Variants in ITPK1 observed in about 807,000 individuals in gnomAD.
ITPK1 encodes inositol-tetrakisphosphate 1-kinase.
In ITPK1, 21 loss-of-function variants were observed where a neutral mutation model predicts 45.3. The observed-to-expected ratio is 0.46, with a 90% CI of 0.33 to 0.67. The LOEUF (loss-of-function observed/expected upper bound fraction) is 0.67, where lower values mean the gene tolerates loss of function less well. ITPK1 is among the 30% of genes least tolerant of loss of function. The probability of loss-of-function intolerance (pLI) is 0.02; values close to 1 mark genes in which losing one functional copy is unlikely to be tolerated. For synonymous variants in ITPK1, 258 were observed against 253.6 expected, an observed-to-expected ratio of 1.02 and a Z score of -0.16; for missense variants, 474 against 573.5, an observed-to-expected ratio of 0.83 and a Z score of 1.77.
At chr14:92,953,718 G>A (rs2139722008) in intron 8 of ITPK1, among the ~76,000 whole-genome samples, 1 of 152,340 alleles carries the variant, frequency 6.6e-6, no homozygotes, top group African/African-American at 2.4e-5. Context: ...GAGCCGCAAG[G>A]AGAACACGTG....
chr14:93,031,237 G>A (rs1434243043), intron 3 of ITPK1, among the ~76,000 whole-genome samples: 2 of 152,088 alleles, frequency 1.3e-5, no homozygotes, highest in African/African-American at 2.4e-5. Context: ...CAAGTGCAGG[G>A]GTCCCGAGCA....
At chr14:92,988,777 C>T (rs1179632854) in intron 5 of ITPK1, among the ~76,000 whole-genome samples, 1 of 152,202 alleles carries the variant, frequency 6.6e-6, no homozygotes, top group Non-Finnish European at 1.5e-5. Context: ...ATCAAAGCCC[C>T]TCAGTATCCT....
Position 93,060,893 on chromosome 14 carries a change from T to C in ITPK1, c.120+15702A>G, listed in dbSNP as rs74800488. 4.2e-3 allele frequency among the ~76,000 whole-genome samples: 635 copies of C among 152,286 alleles called. 2 individuals are homozygous for C. Among genetic ancestry groups the C allele is most frequent in the African/African-American group, 0.014 (578 of 41,526 alleles). Reference sequence around the variant, plus strand: ...TAGATCCCATCTCACAGAGCTATTATGAGAACTAGGAAGATAAAAGTAAAA... The same window carrying C: ...TAGATCCCATCTCACAGAGCTATTACGAGAACTAGGAAGATAAAAGTAAAA... On this transcript the variant is annotated intron_variant, in intron 3 of 10. Coordinates refer to ENST00000267615, the MANE Select transcript of ITPK1 (RefSeq NM_014216.6).
At chr14:93,089,620 T>C (rs1262116895) in intron 2 of ITPK1, among the ~76,000 whole-genome samples, 1 of 152,132 alleles carries the variant, frequency 6.6e-6, no homozygotes. Flanking sequence ...AGAAATCAGC[T>C]GGGTCACAGG....
intron 3 of ITPK1, among the ~76,000 whole-genome samples, chr14:93,042,820 C>T (rs748082850): frequency 5.9e-5 from 9 of 152,112 alleles, no homozygotes; most frequent in Non-Finnish European, 1.0e-4. Flanking sequence ...GAGTTCAAGA[C>T]CAACCTGAGC....
chr14:92,956,522 G>A (rs936170750), intron 8 of ITPK1, among the ~76,000 whole-genome samples: 14 of 151,904 alleles, frequency 9.2e-5, no homozygotes, highest in African/African-American at 3.4e-4. Context: ...ACAGATACAG[G>A]ATAGGAGCCC....
Position 93,033,473 on chromosome 14 carries a change from A to C in ITPK1, c.121-16672T>G, listed in dbSNP as rs76595858. 1.3e-3 allele frequency among the ~76,000 whole-genome samples: 205 copies of C among 152,314 alleles called. 4 individuals carry two copies. In the East Asian group the frequency reaches 0.037, roughly 28 times the overall value. On this transcript the variant is annotated intron_variant, in intron 3 of 10. Coordinates refer to ENST00000267615, the MANE Select transcript of ITPK1 (RefSeq NM_014216.6). Reference sequence around the variant, plus strand: ...CTCCTCTGGGCCAGCCCTGCTGAGCACAGACATCAGAACCAGGGTCTAGAG... The same window carrying C: ...CTCCTCTGGGCCAGCCCTGCTGAGCCCAGACATCAGAACCAGGGTCTAGAG...
At chr14:93,087,573 T>C (rs1891698096) in intron 2 of ITPK1, among the ~76,000 whole-genome samples, 1 of 152,202 alleles carries the variant, frequency 6.6e-6, no homozygotes, top group South Asian at 2.1e-4. Flanking sequence ...GTCATACCCT[T>C]TTACCATGTA....
chr14:93,108,709 A>G (rs887830671), intron 2 of ITPK1, among the ~76,000 whole-genome samples: 1 of 152,254 alleles, frequency 6.6e-6, no homozygotes, highest in African/African-American at 2.4e-5. Context: ...CTTTGTGAGC[A>G]GTTTCAGAAC....
At position 93,016,016 on chromosome 14, in the gene ITPK1, C is replaced by G. The variant is rs1482414228; in HGVS notation, c.246+660G>C. ...ACAATACAACTTTGTTTTTCATGAC[C>G]TCTGAGCCGCTTTCTAGAGGACAGA... On this transcript the variant is annotated intron_variant, in intron 4 of 10. Coordinates refer to ENST00000267615, the MANE Select transcript of ITPK1 (RefSeq NM_014216.6). The surrounding 1 kb of genome is among the most constrained non-coding windows in gnomAD (Gnocchi z 5.0). 6.6e-6 allele frequency among the ~76,000 whole-genome samples: 1 copy of G among 152,188 alleles called. No homozygotes were observed. Among genetic ancestry groups the G allele is most frequent in the Admixed American group, 6.5e-5 (1 of 15,288 alleles).
Position 93,097,584 on chromosome 14 carries a change from T to C in ITPK1, c.95+17485A>G, listed in dbSNP as rs114044116. 7.6e-3 allele frequency among the ~76,000 whole-genome samples: 1,157 copies of C among 152,340 alleles called. 17 individuals carry two copies. Among genetic ancestry groups the C allele is most frequent in the African/African-American group, 0.026 (1,093 of 41,564 alleles). ...ATGCTTATTGCTTAAAGCCAGTAGT[T>C]TTTAGGATGGGTTGTTATGCATCAA... On this transcript the variant is annotated intron_variant, in intron 2 of 10. Coordinates refer to ENST00000267615, the MANE Select transcript of ITPK1 (RefSeq NM_014216.6).
At chr14:93,112,731 C>A (rs1257981711) in intron 2 of ITPK1, among the ~76,000 whole-genome samples, 2 of 151,684 alleles carry the variant, frequency 1.3e-5, no homozygotes, top group Non-Finnish European at 2.9e-5. Flanking sequence ...AGACACGGCA[C>A]CCGGCCCAAA....
intron 4 of ITPK1, among the ~76,000 whole-genome samples, chr14:92,994,313 T>C (rs1886942120): frequency 6.6e-6 from 1 of 152,188 alleles, no homozygotes; most frequent in Non-Finnish European, 1.5e-5. Flanking sequence ...CTGGCTCCTC[T>C]GGGAGTGGCG....
rs1889333325 is a variant in ITPK1 at position 93,036,622 on chromosome 14, G to A, written c.121-19821C>T. On this transcript the variant is annotated intron_variant, in intron 3 of 10. Coordinates refer to ENST00000267615, the MANE Select transcript of ITPK1 (RefSeq NM_014216.6). The surrounding 1 kb of genome is among the most constrained non-coding windows in gnomAD (Gnocchi z 4.1). ...GCCCACACCCCTCATGACTCACCAGGCTCAGCACCCCAGGGGCCGGGTGAG... is the reference window on the plus strand; with the variant it reads ...GCCCACACCCCTCATGACTCACCAGACTCAGCACCCCAGGGGCCGGGTGAG... 6.6e-6 allele frequency among the ~76,000 whole-genome samples: 1 copy of A among 151,788 alleles called. No homozygotes were observed. Among genetic ancestry groups the A allele is most frequent in the African/African-American group, 2.4e-5 (1 of 41,264 alleles).
intron 5 of ITPK1, among the ~76,000 whole-genome samples, chr14:92,964,822 C>T (rs904006574): frequency 1.3e-5 from 2 of 152,364 alleles, no homozygotes; most frequent in East Asian, 3.9e-4. Context: ...TGTCCCTCCC[C>T]ACCCTGGCCC....
chr14:93,046,544 A>G (rs1245692879), intron 3 of ITPK1, among the ~76,000 whole-genome samples: 1 of 145,632 alleles, frequency 6.9e-6, no homozygotes, highest in Non-Finnish European at 1.5e-5. Context: ...CTGGGCTTCA[A>G]GACCTTCAGA....
At chr14:93,007,002 G>A (rs982215663) in intron 4 of ITPK1, among the ~76,000 whole-genome samples, 2 of 152,184 alleles carry the variant, frequency 1.3e-5, no homozygotes, top group Non-Finnish European at 2.9e-5. Context: ...CACTAGTCAG[G>A]TCCTCTAGGC....
At chr14:92,944,234 G>T (rs1158780660) in intron 10 of ITPK1, among the ~76,000 whole-genome samples, 2 of 152,202 alleles carry the variant, frequency 1.3e-5, no homozygotes, top group East Asian at 3.9e-4. Flanking sequence ...AGGAGAACAG[G>T]CCTGCTGCTC....
At chr14:93,093,912 T>C (rs1009747397) in intron 2 of ITPK1, among the ~76,000 whole-genome samples, 1 of 152,204 alleles carries the variant, frequency 6.6e-6, no homozygotes, top group African/African-American at 2.4e-5. Flanking sequence ...CCCAAGCGTG[T>C]ACAATGATGG....
Sources: gnomAD v4.1 joint callset for allele counts (sites outside exome capture counted in the v4.1 genomes callset) on GRCh38, gnomAD v4.1.1 for gene constraint, Gnocchi (gnomAD v3.1) non-coding constraint, MANE v1.5 for transcripts, NCBI Gene and HGNC (gene_info 2026-07-23, HGNC 2026-07-21) for gene names.